MALRD1: variants seen among roughly 807,000 people sequenced by gnomAD.
The protein encoded by MALRD1 is MAM and LDL receptor class A domain containing 1.
MALRD1 carries 247 observed loss-of-function variants against 242.1 expected under a neutral mutation model. The ratio of observed to expected loss-of-function variants is 1.02; its 90% CI spans 0.92 to 1.13. The LOEUF (loss-of-function observed/expected upper bound fraction) is 1.13, where lower values mean the gene tolerates loss of function less well. MALRD1 is among the 50% of genes most tolerant of loss of function. The probability of loss-of-function intolerance (pLI) is 0.00; values close to 1 mark genes in which losing one functional copy is unlikely to be tolerated. For missense variants in MALRD1, 2,989 were observed against 2,533.1 expected (o/e 1.18, Z -3.86); for synonymous variants, 995 against 866.6 (o/e 1.15, Z -2.60).
At chr10:19,615,836 C>T (rs1244976056) in intron 35 of MALRD1, 21 bp from the exon 36 acceptor site, 1 of 1,511,778 alleles carries the variant, frequency 6.6e-7, no homozygotes, top group African/African-American at 1.4e-5. Context: ...TAACTGGTGT[C>T]TTTGTGATGC....
intron 32 of MALRD1, among the ~76,000 whole-genome samples, chr10:19,547,820 T>A (rs7898278): frequency 0.02 from 318 of 15,742 alleles, 3 homozygotes; most frequent in African/African-American, 0.025. Flanking sequence ...ATATATATAT[T>A]TTTTTTTTTT....
At chr10:19,500,975 A>G (rs553805816) in intron 31 of MALRD1, among the ~76,000 whole-genome samples, 3 of 152,314 alleles carry the variant, frequency 2.0e-5, no homozygotes, top group African/African-American at 4.8e-5. Context: ...AATAAATTAG[A>G]TGGCTTATTA....
chr10:19,590,297 A>G (rs1244026560), intron 33 of MALRD1, among the ~76,000 whole-genome samples: 1 of 148,058 alleles, frequency 6.8e-6, no homozygotes, highest in African/African-American at 2.5e-5. Context: ...ACATGTATAT[A>G]TTATATATGT....
intron 1 of MALRD1, among the ~76,000 whole-genome samples, chr10:19,055,155 A>T (rs573719927): frequency 6.6e-6 from 1 of 152,166 alleles, no homozygotes; most frequent in Non-Finnish European, 1.5e-5. Flanking sequence ...GATTAGTAAT[A>T]CTGAAAAATT....
rs1376198955 is a variant in MALRD1, at chr10:19,124,537, T to C, written c.810T>C (p.Cys270=). ...TCTCCCGTTTAGTGTGTCAGGCCTG[T>C]GGGTTTGAATTTGACATGTGTGAGT... ...TDEELRLCQA[C]GFEFDMCEWT... The change falls in exon 7 of 40, where the codon TGT becomes TGC. Residue 270 remains cysteine, a synonymous_variant. Coordinates refer to ENST00000454679, the MANE Select transcript of MALRD1 (RefSeq NM_001142308.3). 1.6e-6 allele frequency: 2 copies of C among 1,233,594 alleles called. No individual in the cohort carries two copies. Among genetic ancestry groups the C allele is most frequent in the Non-Finnish European group, 1.0e-6 (1 of 988,078 alleles). 76.4% of individuals were successfully genotyped at this position (1,233,594 alleles called of 1,614,324 possible). A position where few individuals can be genotyped will look rare whatever the true frequency, so the allele number is the denominator to read the frequency against.
intron 38 of MALRD1, among the ~76,000 whole-genome samples, chr10:19,706,263 G>A (rs1055983709): frequency 3.9e-5 from 6 of 152,188 alleles, no homozygotes; most frequent in South Asian, 4.1e-4. Flanking sequence ...TTGTAGAGAC[G>A]TGGTTAAGGT....
intron 28 of MALRD1, among the ~76,000 whole-genome samples, chr10:19,424,418 C>T (rs980274980): frequency 7.2e-5 from 11 of 152,136 alleles, no homozygotes; most frequent in African/African-American, 2.7e-4. Flanking sequence ...CCTCAGCCTC[C>T]CAAAGTTCTG....
chr10:19,057,998 G>A (rs1027776836), intron 1 of MALRD1, among the ~76,000 whole-genome samples: 3 of 152,140 alleles, frequency 2.0e-5, no homozygotes, highest in Non-Finnish European at 4.4e-5. Flanking sequence ...AAAAAAAATA[G>A]CTGATAGTAA....
intron 13 of MALRD1, among the ~76,000 whole-genome samples, chr10:19,171,765 A>T (rs1224847752): frequency 6.9e-6 from 1 of 144,440 alleles, no homozygotes; most frequent in Non-Finnish European, 1.5e-5. Flanking sequence ...ATATATACAC[A>T]TATATTGATA....
chr10:19,133,191 G>A (rs1197026012), intron 8 of MALRD1, among the ~76,000 whole-genome samples: 5 of 152,048 alleles, frequency 3.3e-5, no homozygotes, highest in African/African-American at 9.7e-5. Context: ...ATGCAGTAAA[G>A]GCTTGTTACT....
chr10:19,423,990 G>A (rs1464093644), intron 28 of MALRD1, among the ~76,000 whole-genome samples: 1 of 151,998 alleles, frequency 6.6e-6, no homozygotes, highest in African/African-American at 2.4e-5. Context: ...AAATATCAAT[G>A]CAACCTTAGA....
At chr10:19,607,738 A>G (rs994385154) in intron 34 of MALRD1, 39 bp from the exon 35 acceptor site, 43 of 1,527,216 alleles carry the variant, frequency 2.8e-5, no homozygotes, top group Admixed American at 1.5e-4. Context: ...AAAAAAAATC[A>G]TGCTGGCATC....
chr10:19,646,374 G>C (rs1051991296), intron 36 of MALRD1, among the ~76,000 whole-genome samples: 2 of 152,270 alleles, frequency 1.3e-5, no homozygotes, highest in East Asian at 3.9e-4. Flanking sequence ...GAGGCCGAGG[G>C]GGGCAGATCA....
intron 29 of MALRD1, among the ~76,000 whole-genome samples, chr10:19,484,122 CAAGAG>C (rs944556916): frequency 3.9e-5 from 6 of 152,172 alleles, no homozygotes; most frequent in Admixed American, 1.3e-4. Context: ...GAACTACTGA[CAAGAG>C]AAGAGAGGGA....
At chr10:19,686,920 T>G (rs1385393425) in intron 36 of MALRD1, among the ~76,000 whole-genome samples, 9 of 151,766 alleles carry the variant, frequency 5.9e-5, no homozygotes, top group African/African-American at 1.5e-4. Flanking sequence ...ACAAAAGAAG[T>G]GGTAAAATGT....
chr10:19,721,349 G>T (rs1353551910), intron 38 of MALRD1, among the ~76,000 whole-genome samples: 1 of 152,018 alleles, frequency 6.6e-6, no homozygotes, highest in Non-Finnish European at 1.5e-5. Context: ...GTAGAAGTAG[G>T]GAGAGGAGAA....
At chr10:19,612,167 A>G (rs185936556) in intron 35 of MALRD1, among the ~76,000 whole-genome samples, 2 of 152,042 alleles carry the variant, frequency 1.3e-5, no homozygotes, top group East Asian at 3.9e-4. Flanking sequence ...AATAACCATA[A>G]AACAGCTTAT....
intron 14 of MALRD1, among the ~76,000 whole-genome samples, chr10:19,189,672 G>A (rs932733603): frequency 1.3e-4 from 19 of 151,960 alleles, no homozygotes; most frequent in Admixed American, 4.6e-4. Context: ...ATCTGTCTAT[G>A]TAATGCACCA....
chr10:19,266,269 G>T (rs1343048099), intron 19 of MALRD1, among the ~76,000 whole-genome samples: 1 of 151,548 alleles, frequency 6.6e-6, no homozygotes. Flanking sequence ...TTCCTTCCTA[G>T]CTGTTTCGTA....
Sources: allele counts gnomAD v4.1 joint callset (sites outside exome capture counted in the v4.1 genomes callset), GRCh38; gene constraint gnomAD v4.1.1; transcripts MANE v1.5; gene names NCBI Gene and HGNC (gene_info 2026-07-23, HGNC 2026-07-21).